MUC5B: variants seen among roughly 807,000 people sequenced by gnomAD.
MUC5B encodes mucin 5B, oligomeric mucus/gel-forming, also known as mucin-5B.
A neutral mutation model predicts 376.9 loss-of-function variants in MUC5B; 116 were observed. The observed-to-expected ratio is 0.31, with a 90% CI of 0.26 to 0.36. The LOEUF (loss-of-function observed/expected upper bound fraction) is 0.36, where lower values mean the gene tolerates loss of function less well. Among genes scored for constraint, MUC5B ranks in the 10% least tolerant of loss-of-function variants. The probability of loss-of-function intolerance (pLI) is 1.00; values close to 1 mark genes in which losing one functional copy is unlikely to be tolerated. For missense variants in MUC5B, 7,165 were observed against 7,769.9 expected, an observed-to-expected ratio of 0.92 and a Z score of 2.93; for synonymous variants, 3,517 against 3,390.9, an observed-to-expected ratio of 1.04 and a Z score of -1.29.
rs1214734896 is a variant in MUC5B, at chr11:1,245,830, T to A, written c.8950T>A (p.Ser2984Thr). The A allele has an allele frequency of 3.7e-6, 6 of 1,612,464 alleles. No individual in the cohort carries two copies. The Admixed American group carries it at 8.3e-5, about 22-fold the overall frequency. Residue 2984 changes from serine (S) to threonine (T), a missense_variant, in exon 31 of 49, where the codon TCC (serine) becomes ACC (threonine). Physicochemically the swap from Ser to Thr is moderately conservative, Grantham distance 58 (BLOSUM62 1). This residue lies in a region of MUC5B where 939 missense variants were observed against 770.6 expected (regional missense o/e 1.22). Coordinates refer to ENST00000529681, the MANE Select transcript of MUC5B (RefSeq NM_002458.3). ...GGCCACCAGCTCTACGGCCACGCCC[T>A]CCTCCACTCCAGGGACGACCTGGAT... Reference protein sequence around the residue: ...TPATSSTATPSSTPGTTWILT... With the variant: ...TPATSSTATPTSTPGTTWILT...
Position 1,258,122 on chromosome 11 carries a change from C to T in MUC5B, c.16474C>T (p.Gln5492Ter). Residue 5492 changes from glutamine (Q) to a stop codon, truncating the protein, a stop_gained, in exon 42 of 49, where the codon CAG becomes TAG. Coordinates refer to ENST00000529681, the MANE Select transcript of MUC5B (RefSeq NM_002458.3). LOFTEE classifies it high-confidence loss of function. This position sits in a 1 kb window ranked among gnomAD's most constrained non-coding sequence, Gnocchi z 5.5. The stretch of plus-strand genomic sequence containing the variant: ...AGTGTGCAACACAACCACCTGCCCC[C>T]AGAGCCTGCCTGTGTGCCCGCCAGG... ...VCVCNTTTCPQSLPVCPPGQE... is the reference protein window; with the variant it reads ...VCVCNTTTCP The T allele has an allele frequency of 1.3e-6, 2 of 1,593,760 alleles. No homozygotes were observed. Among genetic ancestry groups the T allele is most frequent in the Non-Finnish European group, 1.7e-6 (2 of 1,172,512 alleles).
chr11:1,251,448 C>A lies in MUC5B; in HGVS notation c.14568C>A (p.Thr4856=). 6.2e-7 allele frequency: 1 copy of A among 1,612,070 alleles called. No homozygotes were observed. ...WILTEPSTIA[T]VMVPTGSTAT... ...TCACAGAGCCGAGCACTATAGCCAC[C>A]GTGATGGTGCCCACCGGTTCCACGG... The change falls in exon 31 of 49, where the codon ACC becomes ACA. Residue 4856 remains threonine (T), a synonymous_variant. Coordinates refer to ENST00000529681, the MANE Select transcript of MUC5B (RefSeq NM_002458.3).
Position 1,257,536 on chromosome 11 carries a change from G to T in MUC5B, c.16276G>T (p.Glu5426Ter). The T allele has an allele frequency of 6.2e-7, 1 of 1,608,460 alleles. No homozygotes were observed. The change falls in exon 41 of 49, where the codon GAG becomes TAG. Residue 5426 changes from glutamate (E) to a stop codon, truncating the protein, a stop_gained. Coordinates refer to ENST00000529681, the MANE Select transcript of MUC5B (RefSeq NM_002458.3). LOFTEE classifies it high-confidence loss of function. The surrounding 1 kb of genome is among the most constrained non-coding windows in gnomAD (Gnocchi z 8.9). ...GPDGFPKFPG[E>*]RWVSNCQSCV... is the part of the protein sequence containing the mutation. Reference sequence around the variant, plus strand: ...CCCCCTTGATCCATTCCAGCCCGGGGAGCGGTGGGTCAGCAACTGCCAGTC... The same window carrying T: ...CCCCCTTGATCCATTCCAGCCCGGGTAGCGGTGGGTCAGCAACTGCCAGTC...
rs1376884792 is a variant in MUC5B at position 1,234,157 on chromosome 11, C to T, written c.2378-48C>T. On this transcript the variant is annotated intron_variant, in intron 19 of 48. Transcript: ENST00000529681. The surrounding 1 kb of genome is among the most constrained non-coding windows in gnomAD (Gnocchi z 6.3). ...AGGGCTGCCTGGGGTCAGTTGAGGGCCGTGGCTGCCCTTCCCCAGGACCCC... is the reference window on the plus strand; with the variant it reads ...AGGGCTGCCTGGGGTCAGTTGAGGGTCGTGGCTGCCCTTCCCCAGGACCCC... 1.4e-6 allele frequency: 2 copies of T among 1,463,490 alleles called. No individual in the cohort carries two copies. Among genetic ancestry groups the T allele is most frequent in the South Asian group, 1.2e-5 (1 of 82,502 alleles). The allele number at this position is 1,463,490 out of a possible 1,614,324, so 90.7% of individuals were successfully genotyped here.
chr11:1,238,110 C>A (rs1165609863), intron 25 of MUC5B, among the ~76,000 whole-genome samples: 2 of 152,162 alleles, frequency 1.3e-5, no homozygotes, highest in African/African-American at 2.4e-5. Flanking sequence ...AAGCTGAGCC[C>A]AGGTTCAGAT....
intron 39 of MUC5B, 81 bp downstream of exon 39, chr11:1,256,852 A>G (rs1488597523): frequency 1.8e-6 from 2 of 1,107,174 alleles, no homozygotes; most frequent in Non-Finnish European, 2.5e-6. Flanking sequence ...GCCCAGGACC[A>G]TGATGTGCTC....
In MUC5B at chr11:1,241,808, C is replaced by T. The variant is rs1259845802; in HGVS notation, c.4928C>T (p.Pro1643Leu). The stretch of plus-strand genomic sequence containing the variant: ...AGTAGCCCGGGGCTGACCAGGGCTC[C>T]CCCGGCCAGCACCACAGCAGTCCCC... ...PTSSPGLTRA[P>L]PASTTAVPTL... The change falls in exon 31 of 49, where the codon CCC becomes CTC. Residue 1643 changes from proline (P) to leucine (L), a missense_variant. Around this residue, in one of 31 missense-constraint regions of MUC5B, gnomAD observed 897 missense variants for 779.6 expected, o/e 1.15. Coordinates refer to ENST00000529681, the MANE Select transcript of MUC5B (RefSeq NM_002458.3). The T allele has an allele frequency of 6.2e-7, 1 of 1,612,656 alleles. No homozygotes were observed. The highest frequency in any genetic ancestry group is 2.2e-5 in the East Asian group (1 of 44,840).
At chr11:1,223,294 A>T in intron 1 of MUC5B, 101 bp downstream of exon 1, 3 of 698,394 alleles carry the variant, frequency 4.3e-6, no homozygotes, top group Non-Finnish European at 7.9e-6. Flanking sequence ...GCACGGGCAG[A>T]TCCCCCTACG....
intron 44 of MUC5B, chr11:1,259,503 G>T: frequency 1.7e-6 from 1 of 578,608 alleles, no homozygotes; most frequent in East Asian, 2.9e-5. Flanking sequence ...GGTGGGACAG[G>T]ACCTGCAGGC....
In MUC5B at chr11:1,234,215, C is replaced by T. The variant is rs374766645; in HGVS notation, c.2388C>T (p.Ala796=). The T allele has an allele frequency of 6.8e-5, 109 of 1,603,246 alleles. 1 individual carries two copies. The African/African-American group carries it at 1.3e-3, about 19-fold the overall frequency. ...ASLQKSTGCA[A]PMVYLDCSNS... ...AAGCTCTGTCCCCAGGGTGTGCAGC[C>T]CCCATGGTGTACCTGGACTGCAGCA... Residue 796 remains alanine (A), a synonymous_variant, in exon 20 of 49, where the codon GCC becomes GCT. Transcript: ENST00000529681. This position sits in a 1 kb window ranked among gnomAD's most constrained non-coding sequence, Gnocchi z 6.3.
Position 1,243,663 on chromosome 11 carries a change from C to A in MUC5B, c.6783C>A (p.Thr2261=). 3.1e-6 allele frequency: 5 copies of A among 1,611,442 alleles called. No individual in the cohort carries two copies. In the South Asian group the frequency reaches 5.5e-5, roughly 18 times the overall value. Residue 2261 remains threonine (T), a synonymous_variant, in exon 31 of 49, where the codon ACC becomes ACA. Transcript: ENST00000529681. ...ALSSPHPSSR[T]TESPPSPGTT... is the part of the protein sequence containing the mutation. ...CCAGCCCTCACCCTAGCAGCAGAAC[C>A]ACCGAGTCACCCCCTTCTCCAGGGA... is the stretch of plus-strand genomic sequence containing the variant.
chr11:1,233,173 C>T lies in MUC5B; in HGVS notation c.2226C>T (p.Asp742=), dbSNP rs771843007. Residue 742 remains aspartate, a synonymous_variant, in exon 18 of 49, where the codon GAC becomes GAT. Transcript: ENST00000529681. ...CTCPAGTFLN[D]AGACVPAQEC... ...GCCCCGCGGGCACCTTCCTCAATGA[C>T]GCGGGCGCCTGTGTGCCCGCCCAGG... 57 of 1,605,048 alleles carry T rather than the reference C, an allele frequency of 3.6e-5. No individual in the cohort carries two copies. Among genetic ancestry groups the T allele is most frequent in the Middle Eastern group, 1.6e-4 (1 of 6,078 alleles).
intron 44 of MUC5B, chr11:1,259,468 A>C (rs773631458): frequency 3.7e-5 from 20 of 543,312 alleles, no homozygotes; most frequent in Non-Finnish European, 5.6e-5. Flanking sequence ...GGTATGAAGT[A>C]GGAGGATAAC....
At chr11:1,229,139 C>T in intron 8 of MUC5B, 31 bp from the exon 9 acceptor site, 2 of 1,551,016 alleles carry the variant, frequency 1.3e-6, no homozygotes, top group Non-Finnish European at 1.7e-6. Context: ...AGGGCCCTTC[C>T]CCTGGCCCAG....
In MUC5B at chr11:1,245,865, G is replaced by T. The variant is rs1373308355; in HGVS notation, c.8985G>T (p.Glu2995Asp). 1 of 1,613,384 alleles carries T rather than the reference G, an allele frequency of 6.2e-7. No individual in the cohort carries two copies. Among genetic ancestry groups the T allele is most frequent in the Non-Finnish European group, 8.5e-7 (1 of 1,179,800 alleles). The change falls in exon 31 of 49, where the codon GAG becomes GAT. Residue 2995 changes from glutamate (E) to aspartate (D), a missense_variant. By Grantham distance (45) the Glu-to-Asp change is conservative (BLOSUM62 2). Coordinates refer to ENST00000529681, the MANE Select transcript of MUC5B (RefSeq NM_002458.3). The part of the protein sequence containing the change: ...STPGTTWILT[E>D]QTTAATTTAT... ...CAGGGACGACCTGGATCCTCACAGA[G>T]CAGACCACAGCAGCCACTACGACCG...
Position 1,246,533 on chromosome 11 carries a change from C to T in MUC5B, c.9653C>T (p.Thr3218Ile). 6.2e-7 allele frequency: 1 copy of T among 1,613,454 alleles called. No homozygotes were observed. Among genetic ancestry groups the T allele is most frequent in the African/African-American group, 1.3e-5 (1 of 74,866 alleles). The change falls in exon 31 of 49, where the codon ACT becomes ATT. Residue 3218 changes from threonine (T) to isoleucine (I), a missense_variant. By Grantham distance (89) the Thr-to-Ile change is moderately conservative (BLOSUM62 -1). This residue lies in a region of MUC5B where 939 missense variants were observed against 770.6 expected (regional missense o/e 1.22). Transcript: ENST00000529681. ...SRATPSSSPG[T>I]ATALPALRST... ...GCCACTCCCTCCTCCAGTCCAGGGA[C>T]TGCAACCGCCCTTCCAGCACTGAGA...
rs774025016 is a variant in MUC5B at position 1,241,996 on chromosome 11, T to A, written c.5116T>A (p.Leu1706Met). ...RSALPGTTGS[L>M]GTWRPSQPPT... ...AGCCCTTCCAGGGACGACGGGGAGCTTGGGCACATGGCGCCCCTCACAGCC... is the reference window on the plus strand; with the variant it reads ...AGCCCTTCCAGGGACGACGGGGAGCATGGGCACATGGCGCCCCTCACAGCC... Residue 1706 changes from leucine to methionine, a missense_variant, in exon 31 of 49, where the codon TTG (leucine) becomes ATG (methionine). Leu to Met is a conservative substitution (Grantham distance 15, BLOSUM62 2). This residue lies in a region of MUC5B where 897 missense variants were observed against 779.6 expected (regional missense o/e 1.15). Transcript: ENST00000529681. The A allele has an allele frequency of 6.3e-7, 1 of 1,590,582 alleles. No homozygotes were observed. Among genetic ancestry groups the A allele is most frequent in the Non-Finnish European group, 8.6e-7 (1 of 1,169,404 alleles).
chr11:1,250,335 C>G lies in MUC5B; in HGVS notation c.13455C>G (p.Ala4485=). The change falls in exon 31 of 49, where the codon GCC becomes GCG. Residue 4485 remains alanine, a synonymous_variant. Transcript: ENST00000529681. ...GCACCCCACATGTGAGCACCACGGCCACGACACCCACAGTCACCAGCTCCA... is the reference window on the plus strand; with the variant it reads ...GCACCCCACATGTGAGCACCACGGCGACGACACCCACAGTCACCAGCTCCA... ...TAGTPHVSTT[A]TTPTVTSSKA... 2 of 1,613,316 alleles carry G rather than the reference C, an allele frequency of 1.2e-6. No individual in the cohort carries two copies. The highest frequency in any genetic ancestry group is 2.2e-5 in the South Asian group (2 of 91,070).
In MUC5B at chr11:1,249,656, C is replaced by G; in HGVS notation, c.12776C>G (p.Thr4259Arg). ...ILTELTTTAT[T>R]TASTGSTATP... ...ACAGAGCTGACCACAACAGCCACTA[C>G]GACTGCATCCACTGGATCCACGGCC... is the stretch of plus-strand genomic sequence containing the variant. Residue 4259 changes from threonine to arginine, a missense_variant, in exon 31 of 49, where the codon ACG (threonine) becomes AGG (arginine). By Grantham distance (71) the Thr-to-Arg change is moderately conservative (BLOSUM62 -1). Coordinates refer to ENST00000529681, the MANE Select transcript of MUC5B (RefSeq NM_002458.3). 6.2e-7 allele frequency: 1 copy of G among 1,611,450 alleles called. No individual in the cohort carries two copies. Among genetic ancestry groups the G allele is most frequent in the South Asian group, 1.1e-5 (1 of 91,040 alleles).
Sources: allele counts gnomAD v4.1 joint callset (sites outside exome capture counted in the v4.1 genomes callset), GRCh38; gene constraint gnomAD v4.1.1; regional missense constraint gnomAD v4.1.1; non-coding constraint Gnocchi (gnomAD v3.1); transcripts MANE v1.5; gene names NCBI Gene and HGNC (gene_info 2026-07-23, HGNC 2026-07-21).